TJP1: variants seen among roughly 807,000 people sequenced by gnomAD.
TJP1 encodes the protein tight junction protein ZO-1.
Under a neutral mutation model 194.2 loss-of-function variants are expected in TJP1, and 43 were observed. That is an observed-to-expected ratio of 0.22 (90% CI 0.17 to 0.29). The LOEUF (loss-of-function observed/expected upper bound fraction) is 0.29. TJP1 is among the 10% of genes least tolerant of loss of function. The pLI is 1.00. For synonymous variants in TJP1, 801 were observed against 779.0 expected (o/e 1.03, Z -0.47); for missense variants, 1,971 against 2,185.7 (o/e 0.90, Z 1.96).
chr15:29,925,344 T>C (rs1183683663), intron 2 of TJP1, among the ~76,000 whole-genome samples: 1 of 152,216 alleles, frequency 6.6e-6, no homozygotes, highest in Non-Finnish European at 1.5e-5. Context: ...GCCCAGGATC[T>C]GATAGCACCC....
At chr15:29,738,064 G>GA (rs146062209) in intron 10 of TJP1, among the ~76,000 whole-genome samples, 6 of 148,442 alleles carry the variant, frequency 4.0e-5, no homozygotes, top group Non-Finnish European at 7.5e-5. Context: ...TCTCTGAATG[G>GA]AAAAAAAAAA....
chr15:29,775,926 C>A (rs150805279), intron 2 of TJP1, among the ~76,000 whole-genome samples: 8 of 152,064 alleles, frequency 5.3e-5, no homozygotes, highest in African/African-American at 1.9e-4. Context: ...AGGCACCAGG[C>A]GCAAATGATT....
At chr15:29,903,779 T>C (rs1159075871) in intron 2 of TJP1, among the ~76,000 whole-genome samples, 1 of 152,210 alleles carries the variant, frequency 6.6e-6, no homozygotes, top group Non-Finnish European at 1.5e-5. Context: ...GGAAATTAGA[T>C]ATTTGTCCTC....
intron 2 of TJP1, among the ~76,000 whole-genome samples, chr15:29,900,055 G>A (rs997848674): frequency 3.3e-5 from 5 of 152,178 alleles, no homozygotes; most frequent in Middle Eastern, 6.8e-3. Context: ...AGAGAAGGAG[G>A]AAACTCAGGG....
In TJP1 at chr15:29,773,325, A is replaced by T. The variant is rs899243858; in HGVS notation, c.117T>A (p.Ser39=). ...GAAAATGAGGATTATCTCGTCCACC[A>T]GATATTGCAATTCCAAATCCAAATC... The part of the protein sequence containing the change: ...APGFGFGIAI[S]GGRDNPHFQS... The change falls in exon 3 of 28, where the codon TCT becomes TCA. Residue 39 remains serine, a synonymous_variant. Coordinates refer to ENST00000614355, the MANE Select transcript of TJP1 (RefSeq NM_001330239.4). 1.2e-6 allele frequency: 2 copies of T among 1,613,914 alleles called. No homozygotes were observed. Among genetic ancestry groups the T allele is most frequent in the African/African-American group, 2.7e-5 (2 of 74,930 alleles).
At chr15:29,821,401 T>A (rs2050334651) in intron 1 of TJP1, 1 of 152,244 alleles carries the variant, frequency 6.6e-6, no homozygotes, top group Admixed American at 6.5e-5. Context: ...TTAAAGAGGT[T>A]ATTTTCAAAG....
intron 2 of TJP1, among the ~76,000 whole-genome samples, chr15:29,900,348 T>C (rs2053598031): frequency 1.3e-5 from 2 of 152,100 alleles, no homozygotes; most frequent in South Asian, 4.1e-4. Context: ...AGCAGAGAAA[T>C]AACATAGTGC....
chr15:29,705,044 CT>C (rs2150989141), intron 26 of TJP1, among the ~76,000 whole-genome samples: 1 of 152,352 alleles, frequency 6.6e-6, no homozygotes, highest in African/African-American at 2.4e-5. Context: ...CAGAAACATG[CT>C]GTCATCTCCT....
At chr15:29,760,230 C>A in intron 8 of TJP1, 1 of 702,250 alleles carries the variant, frequency 1.4e-6, no homozygotes, top group Non-Finnish European at 2.6e-6. Flanking sequence ...TATGCAATTG[C>A]TGCGTGTATG....
At chr15:29,899,065 T>C (rs547767709) in intron 2 of TJP1, among the ~76,000 whole-genome samples, 22 of 152,266 alleles carry the variant, frequency 1.4e-4, no homozygotes, top group African/African-American at 5.3e-4. Context: ...ATGTGGAACA[T>C]TACTGGGATG....
At chr15:29,951,267 G>A (rs545945203) in intron 2 of TJP1, among the ~76,000 whole-genome samples, 17 of 151,580 alleles carry the variant, frequency 1.1e-4, no homozygotes, top group Non-Finnish European at 1.3e-4. Context: ...TCCTGGGTTC[G>A]AGTGATTCTT....
rs777179654 is a variant in TJP1, at chr15:29,708,896, G to A, written c.4513C>T (p.Pro1505Ser). 1.5e-5 allele frequency: 24 copies of A among 1,614,104 alleles called. No homozygotes were observed. The highest frequency in any genetic ancestry group is 2.0e-5 in the Non-Finnish European group (24 of 1,180,026). The change falls in exon 25 of 28, where the codon CCA (proline) becomes TCA (serine). Residue 1505 changes from proline to serine, a missense_variant. Physicochemically the swap from Pro to Ser is moderately conservative, Grantham distance 74. This residue lies in a region of TJP1 where 1,108 missense variants were observed against 1,128.5 expected (regional missense o/e 0.98). Coordinates refer to ENST00000614355, the MANE Select transcript of TJP1 (RefSeq NM_001330239.4). ...QAAFYPQKSF[P>S]DKAPVNGTEQ... The stretch of plus-strand genomic sequence containing the variant: ...GTTCCATTAACTGGGGCTTTATCTG[G>A]AAAACTTTTCTGGGGATAGAAAGCT...
At chr15:29,968,022 T>A in intron 1 of TJP1, 2 of 969,468 alleles carry the variant, frequency 2.1e-6, no homozygotes, top group Non-Finnish European at 2.5e-6. Context: ...AAATGCAATA[T>A]ACAATCCTGT....
exon 1 of TJP1, chr15:29,968,899 C>T (rs560448557): frequency 7.2e-6 from 2 of 279,062 alleles, no homozygotes; most frequent in Admixed American, 1.3e-4. Context: ...GCCCGCCGCA[C>T]CCGCAGCTGC....
chr15:29,870,553 A>G (rs2052476911), intron 2 of TJP1, among the ~76,000 whole-genome samples: 1 of 152,212 alleles, frequency 6.6e-6, no homozygotes, highest in Non-Finnish European at 1.5e-5. Context: ...GGCAGGCTAG[A>G]TTTATTGTGC....
intron 2 of TJP1, among the ~76,000 whole-genome samples, chr15:29,863,906 T>C (rs1018116412): frequency 1.3e-5 from 2 of 152,150 alleles, no homozygotes; most frequent in Non-Finnish European, 2.9e-5. Flanking sequence ...TTAAAATGTC[T>C]TGGGAGCTGT....
intron 2 of TJP1, among the ~76,000 whole-genome samples, chr15:29,912,533 C>T (rs1418185893): frequency 1.3e-5 from 2 of 151,880 alleles, no homozygotes; most frequent in Non-Finnish European, 1.5e-5. Context: ...CATAGTGAAA[C>T]CATGTCTCTA....
intron 2 of TJP1, among the ~76,000 whole-genome samples, chr15:29,774,897 C>G (rs1443364475): frequency 1.3e-5 from 2 of 151,568 alleles, no homozygotes; most frequent in Admixed American, 6.6e-5. Flanking sequence ...AAAAATAGAC[C>G]AACTACAGTG....
At chr15:29,741,499 C>A in intron 9 of TJP1, 63 bp from the exon 10 acceptor site, 1 of 1,071,418 alleles carries the variant, frequency 9.3e-7, no homozygotes, top group South Asian at 1.3e-5. Context: ...ATGCAAGCAA[C>A]CAAGCAATAT....
Sources: gnomAD v4.1 joint callset for allele counts (sites outside exome capture counted in the v4.1 genomes callset) on GRCh38, gnomAD v4.1.1 for gene constraint, gnomAD v4.1.1 regional missense constraint, MANE v1.5 for transcripts, NCBI Gene and HGNC (gene_info 2026-07-23, HGNC 2026-07-21) for gene names.